CYYR1: variants seen among roughly 807,000 people sequenced by gnomAD.
CYYR1 encodes cysteine and tyrosine rich 1.
In CYYR1, 14 loss-of-function variants were observed where a neutral mutation model predicts 15.2. That is an observed-to-expected ratio of 0.92 (90% CI 0.61 to 1.44). The LOEUF (loss-of-function observed/expected upper bound fraction) is 1.44. Ranked by LOEUF, CYYR1 falls within the 40% of genes most tolerant of loss-of-function variation. The pLI, the probability that CYYR1 is intolerant of heterozygous loss-of-function variation, is 0.00. For synonymous variants in CYYR1, 80 were observed against 77.4 expected (o/e 1.03, Z -0.18); for missense variants, 228 against 209.5 (o/e 1.09, Z -0.54).
chr21:26,484,072 T>G (rs2123414967), intron 2 of CYYR1, among the ~76,000 whole-genome samples: 1 of 152,230 alleles, frequency 6.6e-6, no homozygotes, highest in South Asian at 2.1e-4. Context: ...AATTTTCAGA[T>G]TTTGTAAAGA....
intron 2 of CYYR1, among the ~76,000 whole-genome samples, chr21:26,490,868 A>T (rs1421465217): frequency 6.6e-6 from 1 of 152,188 alleles, no homozygotes; most frequent in African/African-American, 2.4e-5. Context: ...CAGACACTCT[A>T]CTAAGCACTA....
At chr21:26,522,790 G>C (rs939775779) in intron 2 of CYYR1, among the ~76,000 whole-genome samples, 3 of 152,190 alleles carry the variant, frequency 2.0e-5, no homozygotes, top group Admixed American at 6.5e-5. Flanking sequence ...GGGCAGTTTT[G>C]TTCTCGGGAT....
chr21:26,570,363 C>T (rs1317746021), intron 1 of CYYR1, among the ~76,000 whole-genome samples: 1 of 152,166 alleles, frequency 6.6e-6, no homozygotes, highest in Admixed American at 6.5e-5. Flanking sequence ...ACAGGAAAAG[C>T]AGTATCTGGC....
At position 26,486,117 on chromosome 21, in the gene CYYR1, T is replaced by A. The variant is rs931389674; in HGVS notation, c.177-5688A>T. 2.0e-5 allele frequency among the ~76,000 whole-genome samples: 3 copies of A among 152,232 alleles called. No homozygotes were observed. In the East Asian group the frequency reaches 5.8e-4, roughly 29 times the overall value. The stretch of plus-strand genomic sequence containing the variant: ...TGTCCACCTGAGTCTTTTGCCCATA[T>A]TCTAATTGGATTGCTTGGTTATTTT... On this transcript the variant is annotated intron_variant, in intron 2 of 3. Transcript: ENST00000652641.
intron 3 of CYYR1, among the ~76,000 whole-genome samples, chr21:26,478,301 A>AG (rs139313725): frequency 0.037 from 5,708 of 152,246 alleles, 336 homozygotes; most frequent in African/African-American, 0.13. Context: ...GTATTAAATC[A>AG]GGGCAGACTC....
intron 3 of CYYR1, among the ~76,000 whole-genome samples, chr21:26,473,927 C>G (rs2065067403): frequency 6.6e-6 from 1 of 152,156 alleles, no homozygotes; most frequent in Admixed American, 6.5e-5. Flanking sequence ...CCAGGAGGTG[C>G]TCAGGCTGTT....
At chr21:26,543,029 A>G (rs1978683145) in intron 2 of CYYR1, among the ~76,000 whole-genome samples, 1 of 152,252 alleles carries the variant, frequency 6.6e-6, no homozygotes, top group African/African-American at 2.4e-5. Flanking sequence ...TGCTATAAAA[A>G]GATTCAAGTT....
At chr21:26,543,928 TAAATA>T (rs1978767080) in intron 2 of CYYR1, among the ~76,000 whole-genome samples, 2 of 151,588 alleles carry the variant, frequency 1.3e-5, no homozygotes, top group Non-Finnish European at 1.5e-5. Context: ...TAATAATAAA[TAAATA>T]AAATAAAATA....
intron 2 of CYYR1, among the ~76,000 whole-genome samples, chr21:26,493,949 C>T (rs2123452664): frequency 2.0e-5 from 3 of 152,328 alleles, no homozygotes; most frequent in Middle Eastern, 3.4e-3. Context: ...TCAATGGACT[C>T]TTAACTGTCC....
chr21:26,471,054 T>C (rs1255211415), intron 3 of CYYR1: 2 of 152,200 alleles, frequency 1.3e-5, no homozygotes, highest in Non-Finnish European at 2.9e-5. Context: ...CCAAGCTCTG[T>C]TTCCTGCAAA....
intron 2 of CYYR1, among the ~76,000 whole-genome samples, chr21:26,526,454 C>CCAA (rs1044629129): frequency 5.3e-5 from 8 of 151,592 alleles, no homozygotes; most frequent in Admixed American, 2.6e-4. Flanking sequence ...GCCCCACCCC[C>CCAA]CAACAACAAC....
intron 2 of CYYR1, among the ~76,000 whole-genome samples, chr21:26,520,266 TCC>T (rs1421645266): frequency 1.3e-5 from 2 of 151,478 alleles, no homozygotes. Flanking sequence ...TATGTGTTGT[TCC>T]CCTCTCTGTG....
In CYYR1 at chr21:26,532,091, A is replaced by C. The variant is rs182541568; in HGVS notation, c.176+34175T>G. Among the ~76,000 whole-genome samples the C allele has an allele frequency of 3.3e-5, 5 of 152,290 alleles. No individual in the cohort carries two copies. In the East Asian group the frequency reaches 9.7e-4, roughly 29 times the overall value. On this transcript the variant is annotated intron_variant, in intron 2 of 3. Transcript: ENST00000652641. Reference sequence around the variant, plus strand: ...AAAAAAGAATGTCTGATTTCCTTACATATGCAAAAAATATATCTTCAGAGT... The same window carrying C: ...AAAAAAGAATGTCTGATTTCCTTACCTATGCAAAAAATATATCTTCAGAGT...
At chr21:26,513,571 T>C (rs1274942458) in intron 2 of CYYR1, among the ~76,000 whole-genome samples, 7 of 152,032 alleles carry the variant, frequency 4.6e-5, no homozygotes, top group Non-Finnish European at 8.8e-5. Flanking sequence ...AATCCAGAAG[T>C]AGGCAATACT....
intron 2 of CYYR1, among the ~76,000 whole-genome samples, chr21:26,481,090 G>GA (rs1171954011): frequency 2.0e-5 from 3 of 151,710 alleles, no homozygotes; most frequent in South Asian, 4.1e-4. Flanking sequence ...ACCATAAATA[G>GA]AAAAAAAAGC....
At chr21:26,503,912 T>C (rs373567573) in intron 2 of CYYR1, among the ~76,000 whole-genome samples, 1 of 152,218 alleles carries the variant, frequency 6.6e-6, no homozygotes, top group Non-Finnish European at 1.5e-5. Context: ...TAATTATTTA[T>C]TCAGATTTTA....
rs2123349753 is a variant in CYYR1, at chr21:26,468,644, A to G, written c.335-10T>C. On this transcript the variant is annotated splice_polypyrimidine_tract_variant and intron_variant, in intron 3 of 3. Coordinates refer to ENST00000652641, the MANE Select transcript of CYYR1 (RefSeq NM_001320768.2). The stretch of plus-strand genomic sequence containing the variant: ...TAGGGTGGTGGTCCTGCTGAAAAAG[A>G]AGGGGAAGAGAACATCAAGGAGTTA... The G allele has an allele frequency of 1.9e-6, 3 of 1,586,322 alleles. No homozygotes were observed. The East Asian group carries it at 6.7e-5, about 36-fold the overall frequency.
chr21:26,477,566 C>T, intron 3 of CYYR1: 2 of 357,598 alleles, frequency 5.6e-6, no homozygotes, highest in Admixed American at 6.4e-5. Flanking sequence ...TGTGACCTTA[C>T]ATTACTATCG....
At chr21:26,553,696 G>A (rs879008110) in intron 2 of CYYR1, among the ~76,000 whole-genome samples, 1 of 152,094 alleles carries the variant, frequency 6.6e-6, no homozygotes, top group Non-Finnish European at 1.5e-5. Flanking sequence ...CGTGCATTCT[G>A]TCCACGCTCT....
Sources: allele counts gnomAD v4.1 joint callset (sites outside exome capture counted in the v4.1 genomes callset), GRCh38; gene constraint gnomAD v4.1.1; transcripts MANE v1.5; gene names NCBI Gene and HGNC (gene_info 2026-07-23, HGNC 2026-07-21).